The following RGS20 variants were observed in gnomAD, a reference collection of about 807,000 sequenced individuals.
RGS20 encodes gz-selective GTPase-activating protein.
Under a neutral mutation model 33.6 loss-of-function variants are expected in RGS20, and 30 were observed. The observed-to-expected ratio is 0.89, with a 90% CI of 0.67 to 1.21. The LOEUF (loss-of-function observed/expected upper bound fraction) is 1.21. Among genes scored for constraint, RGS20 ranks in the 50% most tolerant of loss-of-function variants. The probability of loss-of-function intolerance (pLI) is 0.00; values close to 1 mark genes in which losing one functional copy is unlikely to be tolerated. For synonymous variants in RGS20, 208 were observed against 197.9 expected (o/e 1.05, Z -0.43); for missense variants, 472 against 502.4 (o/e 0.94, Z 0.58).
intron 2 of RGS20, chr8:53,880,075 AG>A (rs1279609836): frequency 6.5e-6 from 1 of 154,170 alleles, no homozygotes; most frequent in Non-Finnish European, 1.4e-5. Context: ...TCCGGGCTCC[AG>A]GGAACTAACC....
At chr8:53,924,652 T>C (rs899005742) in intron 2 of RGS20, among the ~76,000 whole-genome samples, 2 of 152,174 alleles carry the variant, frequency 1.3e-5, no homozygotes, top group East Asian at 3.9e-4. Flanking sequence ...AATTGTTTCA[T>C]TCTTTTTTGT....
chr8:53,854,324 A>AC (rs1811628834), intron 1 of RGS20, among the ~76,000 whole-genome samples: 1 of 152,174 alleles, frequency 6.6e-6, no homozygotes, highest in Non-Finnish European at 1.5e-5. Flanking sequence ...AAATACTTTC[A>AC]CCCCCATGTC....
chr8:53,912,268 T>C (rs1311583085), intron 2 of RGS20, among the ~76,000 whole-genome samples: 1 of 151,920 alleles, frequency 6.6e-6, no homozygotes, highest in Admixed American at 6.6e-5. Context: ...GAATAACTTC[T>C]CTAAGCTCAT....
chr8:53,913,594 G>A (rs1315337390), intron 2 of RGS20: 1 of 152,218 alleles, frequency 6.6e-6, no homozygotes, highest in Non-Finnish European at 1.5e-5. Context: ...GACCTTATAA[G>A]GAGGGAGAGC....
intron 2 of RGS20, among the ~76,000 whole-genome samples, chr8:53,903,331 T>C (rs774674102): frequency 5.4e-4 from 82 of 152,208 alleles, no homozygotes; most frequent in Non-Finnish European, 1.0e-3. Context: ...TAGTGAACAA[T>C]GAGGCTTACA....
intron 1 of RGS20, among the ~76,000 whole-genome samples, chr8:53,856,535 T>A (rs1288827827): frequency 6.6e-6 from 1 of 152,152 alleles, no homozygotes; most frequent in South Asian, 2.1e-4. Context: ...ATTTCTTTTT[T>A]CTTCCATCAG....
chr8:53,916,705 T>A (rs1032025030), intron 2 of RGS20, among the ~76,000 whole-genome samples: 1 of 152,204 alleles, frequency 6.6e-6, no homozygotes, highest in Non-Finnish European at 1.5e-5. Flanking sequence ...AGAGACTTTC[T>A]GAGTGTCTAG....
intron 2 of RGS20, among the ~76,000 whole-genome samples, chr8:53,921,325 A>G (rs1813639282): frequency 6.6e-6 from 1 of 151,954 alleles, no homozygotes; most frequent in Non-Finnish European, 1.5e-5. Context: ...GTTGGGAAGT[A>G]TTCACTCCCC....
Position 53,929,407 on chromosome 8 carries a change from G to A in RGS20, c.511-10169G>A, listed in dbSNP as rs141949493. Reference sequence around the variant, plus strand: ...AAAAATGTATAAGAACAGGCCAGGCGCAGTGGCTGATGCCTGTAATCCCAG... The same window carrying A: ...AAAAATGTATAAGAACAGGCCAGGCACAGTGGCTGATGCCTGTAATCCCAG... On this transcript the variant is annotated intron_variant, in intron 2 of 5. Coordinates refer to ENST00000297313, the MANE Select transcript of RGS20 (RefSeq NM_170587.4). Among the ~76,000 whole-genome samples, 643 of 152,242 alleles carry A rather than the reference G, an allele frequency of 4.2e-3. 4 individuals are homozygous for A. The highest frequency in any genetic ancestry group is 0.015 in the East Asian group (77 of 5,188).
At chr8:53,899,284 CT>C (rs1812947994) in intron 2 of RGS20, among the ~76,000 whole-genome samples, 1 of 152,130 alleles carries the variant, frequency 6.6e-6, no homozygotes, top group Non-Finnish European at 1.5e-5. Flanking sequence ...AGAATCATGA[CT>C]TTATGGAACA....
intron 2 of RGS20, among the ~76,000 whole-genome samples, chr8:53,901,406 C>T (rs1030180012): frequency 1.3e-5 from 2 of 152,112 alleles, no homozygotes; most frequent in African/African-American, 4.8e-5. Context: ...TTTCATCTCT[C>T]ACTGGGATCT....
At chr8:53,888,095 T>G (rs1563365579) in intron 2 of RGS20, among the ~76,000 whole-genome samples, 1 of 152,336 alleles carries the variant, frequency 6.6e-6, no homozygotes, top group South Asian at 2.1e-4. Context: ...AAATACTTAT[T>G]TCTAGTGACT....
chr8:53,909,308 GGT>G (rs750904729), intron 2 of RGS20, among the ~76,000 whole-genome samples: 4 of 145,136 alleles, frequency 2.8e-5, no homozygotes, highest in African/African-American at 5.1e-5. Flanking sequence ...GGAGAGCAGT[GGT>G]GTTATCTCAA....
At chr8:53,854,303 A>G (rs1811628288) in intron 1 of RGS20, among the ~76,000 whole-genome samples, 1 of 152,236 alleles carries the variant, frequency 6.6e-6, no homozygotes, top group Non-Finnish European at 1.5e-5. Flanking sequence ...GACAGCATAC[A>G]GATGGCAGGA....
chr8:53,858,625 C>A (rs1475783417), intron 1 of RGS20, among the ~76,000 whole-genome samples: 2 of 151,616 alleles, frequency 1.3e-5, no homozygotes, highest in Non-Finnish European at 2.9e-5. Flanking sequence ...TTGCAAAGAG[C>A]CAGAGGTGGC....
intron 2 of RGS20, among the ~76,000 whole-genome samples, chr8:53,883,763 G>T (rs956242076): frequency 7.2e-5 from 11 of 151,890 alleles, no homozygotes; most frequent in Admixed American, 6.6e-4. Context: ...TGGCCAACAT[G>T]GTGAAACCCC....
At chr8:53,930,575 T>G (rs1813925838) in intron 2 of RGS20, among the ~76,000 whole-genome samples, 1 of 152,112 alleles carries the variant, frequency 6.6e-6, no homozygotes, top group South Asian at 2.1e-4. Context: ...TTTGACAGAG[T>G]CTCACTGTTG....
chr8:53,865,215 G>A (rs1046885030), intron 1 of RGS20, among the ~76,000 whole-genome samples: 24 of 152,222 alleles, frequency 1.6e-4, no homozygotes, highest in Non-Finnish European at 5.9e-5. Context: ...GGCTCCATCA[G>A]TGTGAAATTG....
chr8:53,929,065 T>A (rs6992137), intron 2 of RGS20, among the ~76,000 whole-genome samples: 43,932 of 151,962 alleles, frequency 0.29, 6,523 homozygotes, highest in African/African-American at 0.35. Flanking sequence ...GTTGTATGGT[T>A]CCCTTTATAT....
Sources: gnomAD v4.1 joint callset for allele counts (sites outside exome capture counted in the v4.1 genomes callset) on GRCh38, gnomAD v4.1.1 for gene constraint, MANE v1.5 for transcripts, NCBI Gene and HGNC (gene_info 2026-07-23, HGNC 2026-07-21) for gene names.